SBNO2: variants seen among roughly 807,000 people sequenced by gnomAD.
The protein encoded by SBNO2 is protein strawberry notch homolog 2.
SBNO2 carries 89 observed loss-of-function variants against 146.3 expected under a neutral mutation model. That is an observed-to-expected ratio of 0.61 (90% confidence interval 0.51 to 0.73). The LOEUF is 0.73. Among genes scored for constraint, SBNO2 ranks in the 30% least tolerant of loss-of-function variants. The probability of loss-of-function intolerance (pLI) is 0.00; values close to 1 mark genes in which losing one functional copy is unlikely to be tolerated. For synonymous variants in SBNO2, 1,147 were observed against 892.6 expected (o/e 1.29, Z -5.08); for missense variants, 2,092 against 2,003.7 (o/e 1.04, Z -0.84).
In SBNO2 at chr19:1,165,955, T is replaced by TCAGACCCCAGATCCCAGATCC. The variant is rs1372849530; in HGVS notation, c.-127+8196_-127+8216dup. On this transcript the variant is annotated intron_variant, in intron 1 of 31. Coordinates refer to ENST00000361757, the MANE Select transcript of SBNO2 (RefSeq NM_014963.3). ...GACCCCAAACCCCAGATCCTAGATC[T>TCAGACCCCAGATCCCAGATCC]CAGACCCCAGATCCCAGATCCCAGA... Among the ~76,000 whole-genome samples the TCAGACCCCAGATCCCAGATCC allele has an allele frequency of 6.6e-4, 14 of 21,096 alleles. 1 individual carries two copies. Among genetic ancestry groups the TCAGACCCCAGATCCCAGATCC allele is most frequent in the Non-Finnish European group, 6.1e-4 (6 of 9,834 alleles). The allele number at this position is 21,096 out of a possible 152,430, so 13.8% of individuals were successfully genotyped here. A position where few individuals can be genotyped will look rare whatever the true frequency, so the allele number is the denominator to read the frequency against.
At chr19:1,165,800 C>T (rs1401172417) in intron 1 of SBNO2, among the ~76,000 whole-genome samples, 2 of 109,540 alleles carry the variant, frequency 1.8e-5, no homozygotes, top group African/African-American at 3.6e-5. Context: ...CCCCAGACCC[C>T]AGATCCCAGA....
At chr19:1,113,501 G>A (rs191860665) in intron 19 of SBNO2, 34 bp downstream of exon 19, 194 of 1,458,914 alleles carry the variant, frequency 1.3e-4, no homozygotes, top group East Asian at 1.7e-4. Context: ...CCCATGCCCC[G>A]CCCACCACAC....
At chr19:1,159,343 G>A (rs1568634303) in intron 1 of SBNO2, among the ~76,000 whole-genome samples, 1 of 151,438 alleles carries the variant, frequency 6.6e-6, no homozygotes, top group Non-Finnish European at 1.5e-5. Flanking sequence ...GACCCCTGCA[G>A]ACAGAGCGCT....
chr19:1,144,806 A>G lies in SBNO2; in HGVS notation c.279+2503T>C, dbSNP rs2080172267. On this transcript the variant is annotated intron_variant, in intron 4 of 31. Transcript: ENST00000361757. The surrounding 1 kb of genome is among the most constrained non-coding windows in gnomAD (Gnocchi z 4.1). The stretch of plus-strand genomic sequence containing the variant: ...GAGACAGAGACAGAGAGGGAGACAG[A>G]GAGACAGAGACAGAGAGGGAGACAG... 2.0e-5 allele frequency among the ~76,000 whole-genome samples: 3 copies of G among 150,526 alleles called. No individual in the cohort carries two copies. The South Asian group carries it at 6.3e-4, about 32-fold the overall frequency.
Position 1,114,243 on chromosome 19 carries a change from T to A in SBNO2, c.2065A>T (p.Ser689Cys). Residue 689 changes from serine (S) to cysteine (C), a missense_variant, in exon 18 of 32, where the codon AGT becomes TGT. Physicochemically the swap from Ser to Cys is moderately radical, Grantham distance 112 (BLOSUM62 -1). Transcript: ENST00000361757. Reference sequence around the variant, plus strand: ...GGCAAGCCCTCACCCCGGTCGTCACTGGGGAGCCCGACTGCATCAACGATG... The same window carrying A: ...GGCAAGCCCTCACCCCGGTCGTCACAGGGGAGCCCGACTGCATCAACGATG... ...VVIVDAVGLP[S>C]DDRGPLCLLQ... 1 of 1,517,282 alleles carries A rather than the reference T, an allele frequency of 6.6e-7. No individual in the cohort carries two copies. Among genetic ancestry groups the A allele is most frequent in the East Asian group, 2.6e-5 (1 of 38,768 alleles). 94.0% of individuals were successfully genotyped at this position (1,517,282 alleles called of 1,614,324 possible).
intron 17 of SBNO2, chr19:1,115,293 T>C (rs1458860010): frequency 2.0e-5 from 3 of 151,572 alleles, no homozygotes; most frequent in Non-Finnish European, 4.4e-5. Context: ...CAAGTTGGAG[T>C]GCAGTGGCAT....
rs1423160422 is a variant in SBNO2, at chr19:1,122,109, C to T, written c.1149+30G>A. The T allele has an allele frequency of 7.2e-6, 10 of 1,386,770 alleles. No homozygotes were observed. The African/African-American group carries it at 1.5e-4, about 21-fold the overall frequency. 85.9% of individuals were successfully genotyped at this position (1,386,770 alleles called of 1,614,324 possible). ...TTCCCTCCGACCCCCTAATCCAGCC[C>T]TCCCCTCCCGATTGCCCCCAGCAGG... On this transcript the variant is annotated intron_variant, in intron 11 of 31. Coordinates refer to ENST00000361757, the MANE Select transcript of SBNO2 (RefSeq NM_014963.3).
chr19:1,116,202 C>T (rs1449341747), intron 16 of SBNO2, 99 bp from the exon 17 acceptor site: 2 of 1,116,928 alleles, frequency 1.8e-6, no homozygotes, highest in Admixed American at 4.4e-5. Context: ...CTGTGGGGGT[C>T]CCGGACAGGA....
Position 1,111,100 on chromosome 19 carries a change from GGA to G in SBNO2, c.2810-9_2810-8del. 1 of 1,545,816 alleles carries G rather than the reference GGA, an allele frequency of 6.5e-7. No individual in the cohort carries two copies. The highest frequency in any genetic ancestry group is 8.7e-7 in the Non-Finnish European group (1 of 1,147,436). ...AGCAGGCCCTGCTTCATGTCTGCGG[GGA>G]GAGGGGCCTCACATGCTGGTCTTCC... On this transcript the variant is annotated splice_polypyrimidine_tract_variant and splice_region_variant and intron_variant, in intron 24 of 31. Transcript: ENST00000361757.
chr19:1,117,808 A>T (rs1351358130), intron 14 of SBNO2, among the ~76,000 whole-genome samples: 2 of 152,192 alleles, frequency 1.3e-5, no homozygotes, highest in Non-Finnish European at 2.9e-5. Context: ...CTTGCTTTGG[A>T]CCAGGGTCTC....
intron 15 of SBNO2, among the ~76,000 whole-genome samples, 191 bp downstream of exon 15, chr19:1,117,132 T>C (rs377542477): frequency 6.6e-6 from 1 of 152,110 alleles, no homozygotes; most frequent in Non-Finnish European, 1.5e-5. Flanking sequence ...CTGCCCACTG[T>C]GTGGTCACAC....
chr19:1,122,636 C>G (rs909806653), intron 9 of SBNO2, 22 bp downstream of exon 9: 32 of 1,528,338 alleles, frequency 2.1e-5, no homozygotes, highest in African/African-American at 2.8e-5. Context: ...GCTCCCGCCC[C>G]CTGCCCCAGG....
intron 4 of SBNO2, among the ~76,000 whole-genome samples, chr19:1,146,951 T>C (rs964647684): frequency 1.3e-5 from 2 of 152,120 alleles, no homozygotes; most frequent in African/African-American, 4.8e-5. Context: ...GACTCCAATG[T>C]GCAGGGTGTC....
intron 16 of SBNO2, 104 bp from the exon 17 acceptor site, chr19:1,116,207 ACAGGACCGGGCCTGGG>A: frequency 9.6e-7 from 1 of 1,036,640 alleles, no homozygotes; most frequent in African/African-American, 1.6e-5. Context: ...GGGGTCCCGG[ACAGGACCGGGCCTGGG>A]CAGAGGGTCT....
At chr19:1,163,656 C>G (rs758912979) in intron 1 of SBNO2, among the ~76,000 whole-genome samples, 1 of 152,196 alleles carries the variant, frequency 6.6e-6, no homozygotes, top group African/African-American at 2.4e-5. Context: ...CAGAGGCCAC[C>G]GCTCCCGAGC....
chr19:1,122,121 T>C lies in SBNO2; in HGVS notation c.1149+18A>G, dbSNP rs773181392. On this transcript the variant is annotated intron_variant, in intron 11 of 31. Coordinates refer to ENST00000361757, the MANE Select transcript of SBNO2 (RefSeq NM_014963.3). ...CCCTAATCCAGCCCTCCCCTCCCGA[T>C]TGCCCCCAGCAGGATACGACGCCCT... 1.0e-5 allele frequency: 13 copies of C among 1,303,204 alleles called. No individual in the cohort carries two copies. The highest frequency in any genetic ancestry group is 4.7e-5 in the African/African-American group (3 of 64,456). 80.7% of individuals were successfully genotyped at this position (1,303,204 alleles called of 1,614,324 possible).
At position 1,173,225 on chromosome 19, in the gene SBNO2, A is replaced by AC. The variant is rs1266913346; in HGVS notation, c.-127+946dup. On this transcript the variant is annotated intron_variant, in intron 1 of 31. Transcript: ENST00000361757. This position sits in a 1 kb window ranked among gnomAD's most constrained non-coding sequence, Gnocchi z 4.7. Reference sequence around the variant, plus strand: ...GGAAGAGTGCCCTACGGGGGACAGGACCCACCAGGAGGCCTGCGCTTCCCC... The same window carrying AC: ...GGAAGAGTGCCCTACGGGGGACAGGACCCCACCAGGAGGCCTGCGCTTCCCC... Among the ~76,000 whole-genome samples the AC allele has an allele frequency of 6.6e-6, 1 of 151,708 alleles. No individual in the cohort carries two copies. Among genetic ancestry groups the AC allele is most frequent in the Non-Finnish European group, 1.5e-5 (1 of 67,904 alleles).
At chr19:1,155,567 G>C (rs1360482118) in intron 1 of SBNO2, among the ~76,000 whole-genome samples, 2 of 152,216 alleles carry the variant, frequency 1.3e-5, no homozygotes, top group African/African-American at 2.4e-5. Context: ...GGCCCGCTGG[G>C]ATCTGGGGTC....
chr19:1,156,782 A>T (rs566384834), intron 1 of SBNO2, among the ~76,000 whole-genome samples: 4 of 152,196 alleles, frequency 2.6e-5, no homozygotes, highest in African/African-American at 9.6e-5. Flanking sequence ...TGCACTGTCC[A>T]GGACGGGCCC....
Sources: gnomAD v4.1 joint callset for allele counts (sites outside exome capture counted in the v4.1 genomes callset) on GRCh38, gnomAD v4.1.1 for gene constraint, Gnocchi (gnomAD v3.1) non-coding constraint, MANE v1.5 for transcripts, NCBI Gene and HGNC (gene_info 2026-07-23, HGNC 2026-07-21) for gene names.